OTOGL: variants seen among roughly 807,000 people sequenced by gnomAD.
The protein encoded by OTOGL is otogelin like.
Under a neutral mutation model 318.5 loss-of-function variants are expected in OTOGL, and 285 were observed. That is an observed-to-expected ratio of 0.89 (90% confidence interval 0.81 to 0.99). The LOEUF (loss-of-function observed/expected upper bound fraction) is 0.99, where lower values mean the gene tolerates loss of function less well. Ranked by LOEUF, OTOGL falls within the 50% of genes least tolerant of loss-of-function variation. The pLI, the probability that OTOGL is intolerant of heterozygous loss-of-function variation, is 0.00. For missense variants in OTOGL, 2,899 were observed against 2,845.6 expected (o/e 1.02, Z -0.43); for synonymous variants, 987 against 936.5 (o/e 1.05, Z -0.99).
chr12:80,251,711 C>T lies in OTOGL; in HGVS notation c.1071C>T (p.Thr357=), dbSNP rs1881564379. 2 of 1,589,472 alleles carry T rather than the reference C, an allele frequency of 1.3e-6. No homozygotes were observed. The highest frequency in any genetic ancestry group is 1.7e-6 in the Non-Finnish European group (2 of 1,166,894). Residue 357 remains threonine, a synonymous_variant, in exon 12 of 59, where the codon ACC becomes ACT. Coordinates refer to ENST00000547103, the MANE Select transcript of OTOGL (RefSeq NM_001378609.3). The part of the protein sequence containing the change: ...NDLCKTDDDE[T]YCRAATEYAR... ...TTTCTAGAACTGATGATGATGAAACCTATTGCCGAGCAGCCACTGAGTATG... is the reference window on the plus strand; with the variant it reads ...TTTCTAGAACTGATGATGATGAAACTTATTGCCGAGCAGCCACTGAGTATG...
At chr12:80,333,862 C>T (rs551721238) in intron 38 of OTOGL, among the ~76,000 whole-genome samples, 6 of 152,178 alleles carry the variant, frequency 3.9e-5, no homozygotes, top group Middle Eastern at 3.4e-3. Flanking sequence ...CCAGCAAGTG[C>T]AAAGGCCTTG....
chr12:80,257,188 T>C (rs1447607026), intron 17 of OTOGL, among the ~76,000 whole-genome samples: 2 of 152,106 alleles, frequency 1.3e-5, no homozygotes, highest in African/African-American at 2.4e-5. Context: ...GCTAGGGAAG[T>C]TGAACTTGAT....
intron 7 of OTOGL, among the ~76,000 whole-genome samples, chr12:80,227,255 G>A (rs749004717): frequency 1.3e-5 from 2 of 151,932 alleles, no homozygotes; most frequent in African/African-American, 2.4e-5. Flanking sequence ...TATATTGTCA[G>A]TATTCAATTA....
At position 80,257,891 on chromosome 12, in the gene OTOGL, T is replaced by C. The variant is rs748003450; in HGVS notation, c.1778T>C (p.Ile593Thr). Residue 593 changes from isoleucine to threonine, a missense_variant, in exon 18 of 59, where the codon ATT becomes ACT. By Grantham distance (89) the Ile-to-Thr change is moderately conservative. Coordinates refer to ENST00000547103, the MANE Select transcript of OTOGL (RefSeq NM_001378609.3). ...ILLKTTFGLK[I>T]LFAIDGERIY... ...CTAAAAACCACATTTGGTTTAAAGA[T>C]TCTGTTTGCTATAGATGGGGAAAGA... is the stretch of plus-strand genomic sequence containing the variant. The C allele has an allele frequency of 6.3e-7, 1 of 1,596,348 alleles. No homozygotes were observed. Among genetic ancestry groups the C allele is most frequent in the Non-Finnish European group, 8.5e-7 (1 of 1,178,008 alleles).
At chr12:80,144,182 A>T (rs957762538) in intron 1 of OTOGL, among the ~76,000 whole-genome samples, 5 of 151,764 alleles carry the variant, frequency 3.3e-5, no homozygotes, top group African/African-American at 1.2e-4. Context: ...CATTAGGTGT[A>T]TCTCCCAATG....
At chr12:80,184,559 T>C (rs1875153310) in intron 1 of OTOGL, among the ~76,000 whole-genome samples, 2 of 152,134 alleles carry the variant, frequency 1.3e-5, no homozygotes, top group Non-Finnish European at 2.9e-5. Context: ...AAGGGAAGAT[T>C]CTTAAGGCTG....
chr12:80,180,485 AAAGGCCTCTGCAGTGAAG>A, intron 1 of OTOGL, among the ~76,000 whole-genome samples: 1 of 152,244 alleles, frequency 6.6e-6, no homozygotes, highest in Non-Finnish European at 1.5e-5. Context: ...AGGAGTTTGC[AAAGGCCTCTGCAGTGAAG>A]GAGTCTGTGG....
chr12:80,102,420 G>C (rs1309759084), intron 1 of OTOGL, among the ~76,000 whole-genome samples: 1 of 152,112 alleles, frequency 6.6e-6, no homozygotes, highest in Non-Finnish European at 1.5e-5. Context: ...CAATTGCCTA[G>C]TAGTCCAAGC....
At chr12:80,347,176 CAT>C (rs1056379656) in intron 44 of OTOGL, among the ~76,000 whole-genome samples, 12 of 151,878 alleles carry the variant, frequency 7.9e-5, no homozygotes, top group African/African-American at 2.2e-4. Context: ...TTCAGGGACA[CAT>C]GTGCAGAACG....
In OTOGL at chr12:80,313,529, T is replaced by A; in HGVS notation, c.3504T>A (p.Asn1168Lys). The change falls in exon 31 of 59, where the codon AAT becomes AAA. Residue 1168 changes from asparagine to lysine, a missense_variant. Asn to Lys is a moderately conservative substitution (Grantham distance 94). Transcript: ENST00000547103. Reference protein sequence around the residue: ...KNCHEDTCNCNLGGDCECLCT... With the variant: ...KNCHEDTCNCKLGGDCECLCT... ...GTCATGAAGATACATGTAACTGCAA[T>A]CTTGGTGGCGACTGTGAGTGTTTGT... 6.2e-7 allele frequency: 1 copy of A among 1,612,784 alleles called. No homozygotes were observed. Among genetic ancestry groups the A allele is most frequent in the East Asian group, 2.2e-5 (1 of 44,802 alleles).
At chr12:80,331,189 T>A (rs1888045712) in intron 37 of OTOGL, among the ~76,000 whole-genome samples, 1 of 152,142 alleles carries the variant, frequency 6.6e-6, no homozygotes. Flanking sequence ...TACTCATACT[T>A]CTCAGTTTCA....
intron 46 of OTOGL, among the ~76,000 whole-genome samples, chr12:80,354,502 T>C (rs1247117179): frequency 6.6e-6 from 1 of 152,192 alleles, no homozygotes; most frequent in Non-Finnish European, 1.5e-5. Context: ...TTTTGATGCA[T>C]TGTCTCCATG....
At position 80,331,823 on chromosome 12, in the gene OTOGL, T is replaced by C. The variant is rs77119356; in HGVS notation, c.4349-1182T>C. On this transcript the variant is annotated intron_variant, in intron 37 of 58. Coordinates refer to ENST00000547103, the MANE Select transcript of OTOGL (RefSeq NM_001378609.3). ...GAGATGGGGAAATTATCCTGGAATA[T>C]TCATGTGGCACCAATGTAATCACAA... Among the ~76,000 whole-genome samples, 709 of 152,190 alleles carry C rather than the reference T, an allele frequency of 4.7e-3. 6 individuals carry two copies. The highest frequency in any genetic ancestry group is 0.017 in the African/African-American group (685 of 41,492).
intron 6 of OTOGL, among the ~76,000 whole-genome samples, chr12:80,221,268 C>CA (rs1878296947): frequency 7.3e-6 from 1 of 137,066 alleles, no homozygotes. Flanking sequence ...TCCAGCATAC[C>CA]TTTTTTTTTT....
intron 29 of OTOGL, among the ~76,000 whole-genome samples, chr12:80,307,255 C>T (rs1414224382): frequency 9.8e-6 from 1 of 101,970 alleles, no homozygotes; most frequent in Non-Finnish European, 2.5e-5. Flanking sequence ...CTTTTCCCCA[C>T]CTTTCCCCCC....
chr12:80,172,514 A>G (rs1472624499), intron 1 of OTOGL, among the ~76,000 whole-genome samples: 1 of 152,044 alleles, frequency 6.6e-6, no homozygotes, highest in Non-Finnish European at 1.5e-5. Flanking sequence ...GGGTGTGGTA[A>G]GTCCTGCAGG....
intron 1 of OTOGL, among the ~76,000 whole-genome samples, chr12:80,179,976 A>G (rs1402105780): frequency 3.9e-5 from 6 of 152,238 alleles, no homozygotes; most frequent in African/African-American, 1.4e-4. Flanking sequence ...AAGACAAAAG[A>G]AGCCACTGTA....
chr12:80,356,741 A>T, intron 48 of OTOGL, 66 bp from the exon 49 acceptor site: 2 of 896,560 alleles, frequency 2.2e-6, no homozygotes, highest in Non-Finnish European at 3.3e-6. Flanking sequence ...ATTCAAAGAG[A>T]GGTAAACACT....
chr12:80,188,120 T>C (rs1402872349), intron 1 of OTOGL, among the ~76,000 whole-genome samples: 1 of 152,180 alleles, frequency 6.6e-6, no homozygotes, highest in Admixed American at 6.5e-5. Context: ...GGATTGAATA[T>C]GAACACTGAG....
Sources: gnomAD v4.1 joint callset for allele counts (sites outside exome capture counted in the v4.1 genomes callset) on GRCh38, gnomAD v4.1.1 for gene constraint, MANE v1.5 for transcripts, NCBI Gene and HGNC (gene_info 2026-07-23, HGNC 2026-07-21) for gene names.